SLC45A4: variants seen among roughly 807,000 people sequenced by gnomAD.
SLC45A4 encodes polyamine-transporter SLC45A4.
Under a neutral mutation model 63.7 loss-of-function variants are expected in SLC45A4, and 32 were observed. The ratio of observed to expected loss-of-function variants is 0.50; its 90% CI spans 0.38 to 0.67. The LOEUF is 0.67. SLC45A4 is among the 30% of genes least tolerant of loss of function. The probability of loss-of-function intolerance (pLI) is 0.00; values close to 1 mark genes in which losing one functional copy is unlikely to be tolerated. For synonymous variants in SLC45A4, 535 were observed against 510.0 expected (o/e 1.05, Z -0.66); for missense variants, 1,027 against 1,157.7 (o/e 0.89, Z 1.64).
chr8:141,245,511 C>T (rs911189157), intron 2 of SLC45A4, among the ~76,000 whole-genome samples: 1 of 152,176 alleles, frequency 6.6e-6, no homozygotes. Context: ...CTTGCCTCCC[C>T]CAGGGCTGAC....
chr8:141,307,638 A>G (rs534657101), intron 1 of SLC45A4, among the ~76,000 whole-genome samples: 19 of 152,232 alleles, frequency 1.2e-4, no homozygotes, highest in South Asian at 2.1e-4. Context: ...TTGAATTCTC[A>G]TAAGTTAGAG....
Position 141,218,776 on chromosome 8 carries a change from C to T in SLC45A4, c.864G>A (p.Gln288=), listed in dbSNP as rs1826380319. 2 of 1,613,312 alleles carry T rather than the reference C, an allele frequency of 1.2e-6. No homozygotes were observed. Among genetic ancestry groups the T allele is most frequent in the Non-Finnish European group, 8.5e-7 (1 of 1,179,868 alleles). The change falls in exon 5 of 9, where the codon CAG becomes CAA. Residue 288 remains glutamine (Q), a synonymous_variant. Transcript: ENST00000517878. Reference sequence around the variant, plus strand: ...AGTCCAGGGCCAGCTCGTGCTCCGACTGTACCTCGTCTGGGAAGGCAGGGA... The same window carrying T: ...AGTCCAGGGCCAGCTCGTGCTCCGATTGTACCTCGTCTGGGAAGGCAGGGA... ...HGVPAFPDEV[Q]SEHELALDYP...
intron 8 of SLC45A4, chr8:141,211,906 TAA>T (rs1825842418): frequency 2.4e-6 from 3 of 1,248,884 alleles, no homozygotes; most frequent in South Asian, 3.3e-5. Context: ...ACCTGCAGAA[TAA>T]AAGAGCTGAA....
intron 1 of SLC45A4, among the ~76,000 whole-genome samples, chr8:141,260,227 A>G (rs1199061238): frequency 3.9e-5 from 6 of 152,238 alleles, no homozygotes; most frequent in Non-Finnish European, 8.8e-5. Context: ...AGCAGTAAGT[A>G]CAAAAATCTA....
intron 1 of SLC45A4, among the ~76,000 whole-genome samples, chr8:141,267,342 T>C (rs1829312070): frequency 6.6e-6 from 1 of 152,048 alleles, no homozygotes; most frequent in East Asian, 1.9e-4. Context: ...TGCACTGGAG[T>C]GGAGACGCTG....
Position 141,231,402 on chromosome 8 carries a change from A to G in SLC45A4, c.242-9637T>C, listed in dbSNP as rs1827340707. On this transcript the variant is annotated intron_variant, in intron 2 of 8. Coordinates refer to ENST00000517878, the MANE Select transcript of SLC45A4 (RefSeq NM_001286646.2). ...GGAGGCCGGTTTGGTCCAACCTAGT[A>G]CTCCCTGGACCAGATGACCAGCTAA... is the stretch of plus-strand genomic sequence containing the variant. 2.0e-5 allele frequency among the ~76,000 whole-genome samples: 3 copies of G among 152,042 alleles called. No homozygotes were observed. In the South Asian group the frequency reaches 6.2e-4, roughly 31 times the overall value.
chr8:141,249,741 T>C (rs1828379267), intron 2 of SLC45A4, among the ~76,000 whole-genome samples: 1 of 152,204 alleles, frequency 6.6e-6, no homozygotes, highest in Admixed American at 6.5e-5. Context: ...CAGACAACTT[T>C]TGAAAGAAAC....
rs1826386016 is a variant in SLC45A4, at chr8:141,218,820, C to G, written c.820G>C (p.Gly274Arg). 1 of 1,612,956 alleles carries G rather than the reference C, an allele frequency of 6.2e-7. No homozygotes were observed. ...GCAGGGACGCCGTGCGGCTCGCCCCCATCCAGGGCGCCGGGCTCCTCAGCG... is the reference window on the plus strand; with the variant it reads ...GCAGGGACGCCGTGCGGCTCGCCCCGATCCAGGGCGCCGGGCTCCTCAGCG... ...RSAEEPGALD[G>R]GEPHGVPAFP... The change falls in exon 5 of 9, where the codon GGG becomes CGG. Residue 274 changes from glycine (G) to arginine (R), a missense_variant. Coordinates refer to ENST00000517878, the MANE Select transcript of SLC45A4 (RefSeq NM_001286646.2).
At chr8:141,249,026 A>G (rs1828346500) in intron 2 of SLC45A4, among the ~76,000 whole-genome samples, 1 of 152,010 alleles carries the variant, frequency 6.6e-6, no homozygotes, top group Admixed American at 6.5e-5. Flanking sequence ...TTAAAAAAAA[A>G]AAAAAAAAAA....
intron 1 of SLC45A4, among the ~76,000 whole-genome samples, chr8:141,303,312 T>G (rs917813164): frequency 3.3e-5 from 5 of 150,800 alleles, no homozygotes; most frequent in Non-Finnish European, 4.4e-5. Flanking sequence ...TTGTTTTTTT[T>G]TTTTTTTTGG....
chr8:141,276,947 C>CTCCA (rs1321596644), intron 1 of SLC45A4, among the ~76,000 whole-genome samples: 1 of 152,172 alleles, frequency 6.6e-6, no homozygotes, highest in Non-Finnish European at 1.5e-5. Flanking sequence ...GACGTCCCCC[C>CTCCA]GGCCTAAGCA....
intron 1 of SLC45A4, among the ~76,000 whole-genome samples, chr8:141,297,631 G>A (rs527765555): frequency 2.6e-4 from 40 of 152,318 alleles, no homozygotes; most frequent in African/African-American, 8.4e-4. Context: ...GAGATGGCAC[G>A]AACTGTCAGG....
intron 2 of SLC45A4, chr8:141,228,286 G>A (rs985076579): frequency 4.3e-6 from 7 of 1,612,052 alleles, no homozygotes; most frequent in Admixed American, 1.7e-5. Flanking sequence ...TGTCCCTGCC[G>A]CCCTGTGCCA....
Position 141,219,153 on chromosome 8 carries a change from G to A in SLC45A4, c.611-124C>T, listed in dbSNP as rs1407672168. The A allele has an allele frequency of 3.6e-5, 40 of 1,115,908 alleles. No homozygotes were observed. The Admixed American group carries it at 8.0e-4, about 22-fold the overall frequency. 69.1% of individuals were successfully genotyped at this position (1,115,908 alleles called of 1,614,324 possible). On this transcript the variant is annotated intron_variant, in intron 4 of 8. Coordinates refer to ENST00000517878, the MANE Select transcript of SLC45A4 (RefSeq NM_001286646.2). The stretch of plus-strand genomic sequence containing the variant: ...CCCTCATGATGGGAGTCAGGGGCTG[G>A]AGAAGGAGAAAGCAGTAGGAAAACA...
chr8:141,212,103 G>A lies in SLC45A4; in HGVS notation c.2301+94C>T, dbSNP rs990451349. On this transcript the variant is annotated intron_variant, in intron 8 of 8. Transcript: ENST00000517878. ...GGCCACAGCATCTGCAGGGTTCCGCGGTGTCTCTGCTCCCGCCCATGGCCT... is the reference window on the plus strand; with the variant it reads ...GGCCACAGCATCTGCAGGGTTCCGCAGTGTCTCTGCTCCCGCCCATGGCCT... 106 of 1,431,688 alleles carry A rather than the reference G, an allele frequency of 7.4e-5. 2 individuals carry two copies. The African/African-American group carries it at 1.2e-3, about 16-fold the overall frequency. 88.7% of individuals were successfully genotyped at this position (1,431,688 alleles called of 1,614,324 possible).
At chr8:141,255,454 G>A (rs1031362001) in intron 1 of SLC45A4, among the ~76,000 whole-genome samples, 2 of 152,242 alleles carry the variant, frequency 1.3e-5, no homozygotes, top group African/African-American at 4.8e-5. Flanking sequence ...GGTGGCTTAA[G>A]TCTGTAATCC....
At chr8:141,241,658 G>A (rs1162191375) in intron 2 of SLC45A4, among the ~76,000 whole-genome samples, 1 of 152,168 alleles carries the variant, frequency 6.6e-6, no homozygotes, top group Non-Finnish European at 1.5e-5. Context: ...CTGCTCAGGG[G>A]ATGGTGCTGA....
chr8:141,260,080 T>C (rs991280565), intron 1 of SLC45A4, among the ~76,000 whole-genome samples: 3 of 152,206 alleles, frequency 2.0e-5, no homozygotes, highest in African/African-American at 7.2e-5. Flanking sequence ...AGTCTACGCA[T>C]GGACACAGCT....
chr8:141,212,671 GTC>G, intron 7 of SLC45A4, 115 bp from the exon 8 acceptor site: 1 of 1,317,692 alleles, frequency 7.6e-7, no homozygotes, highest in Non-Finnish European at 1.0e-6. Flanking sequence ...CTTCCACCGA[GTC>G]TCTTGGCAAC....
Sources: allele counts gnomAD v4.1 joint callset (sites outside exome capture counted in the v4.1 genomes callset), GRCh38; gene constraint gnomAD v4.1.1; transcripts MANE v1.5; gene names NCBI Gene and HGNC (gene_info 2026-07-23, HGNC 2026-07-21).